Variants in TBC1D1 observed in about 807,000 individuals in gnomAD.
The protein encoded by TBC1D1 is TBC1 (tre-2/USP6, BUB2, cdc16) domain family, member 1.
Under a neutral mutation model 125.6 loss-of-function variants are expected in TBC1D1, and 89 were observed. The observed-to-expected ratio is 0.71, with a 90% CI of 0.60 to 0.85. The LOEUF is 0.85. Ranked by LOEUF, TBC1D1 falls within the 40% of genes least tolerant of loss-of-function variation. The pLI is 0.00. For synonymous variants in TBC1D1, 565 were observed against 564.1 expected (o/e 1.00, Z -0.02); for missense variants, 1,377 against 1,469.2 (o/e 0.94, Z 1.03).
intron 2 of TBC1D1, chr4:37,952,209 A>T: frequency 3.2e-6 from 2 of 622,226 alleles, no homozygotes; most frequent in African/African-American, 3.7e-5. Flanking sequence ...CGCGCTTGGA[A>T]GTTTTGTTGT....
intron 2 of TBC1D1, among the ~76,000 whole-genome samples, chr4:37,970,411 C>G (rs116537536): frequency 0.022 from 3,305 of 152,334 alleles, 67 homozygotes; most frequent in Non-Finnish European, 0.032. Context: ...GTCCTATCTC[C>G]TCCTATGCAA....
chr4:38,027,672 C>A, intron 6 of TBC1D1, 116 bp from the exon 7 acceptor site: 1 of 544,096 alleles, frequency 1.8e-6, no homozygotes, highest in Non-Finnish European at 3.3e-6. Context: ...TTTCCTAAAA[C>A]CTTGGAAGTC....
intron 3 of TBC1D1, among the ~76,000 whole-genome samples, chr4:38,015,684 C>T (rs1298308179): frequency 6.6e-6 from 1 of 152,172 alleles, no homozygotes; most frequent in Non-Finnish European, 1.5e-5. Context: ...GAGCTAGTTT[C>T]TTCCTTGGCC....
chr4:37,933,446 AC>A (rs1159917709), intron 2 of TBC1D1, among the ~76,000 whole-genome samples: 6 of 151,282 alleles, frequency 4.0e-5, no homozygotes, highest in African/African-American at 1.5e-4. Flanking sequence ...ACACACACAC[AC>A]ACACACACAC....
At chr4:38,082,468 G>T (rs1018803908) in intron 12 of TBC1D1, among the ~76,000 whole-genome samples, 1 of 152,154 alleles carries the variant, frequency 6.6e-6, no homozygotes, top group Non-Finnish European at 1.5e-5. Flanking sequence ...TGGCTGAGGC[G>T]GAATATTTGT....
At chr4:38,110,045 C>T (rs752714729) in intron 15 of TBC1D1, 1 of 189,502 alleles carries the variant, frequency 5.3e-6, no homozygotes, top group Non-Finnish European at 9.8e-6. Context: ...TGTTAGTCAA[C>T]TGTGCAGAGC....
chr4:37,994,905 TG>T (rs1177410202), intron 2 of TBC1D1, among the ~76,000 whole-genome samples: 1 of 152,084 alleles, frequency 6.6e-6, no homozygotes, highest in Non-Finnish European at 1.5e-5. Flanking sequence ...TTTGGCAAGC[TG>T]GGACTAACTC....
chr4:38,112,260 C>A (rs1018524676), intron 15 of TBC1D1, among the ~76,000 whole-genome samples: 7 of 152,156 alleles, frequency 4.6e-5, no homozygotes, highest in Non-Finnish European at 8.8e-5. Context: ...CTTTTCTTTG[C>A]CTCTGGAAGG....
intron 1 of TBC1D1, among the ~76,000 whole-genome samples, chr4:37,901,036 C>A (rs1481479094): frequency 1.3e-5 from 2 of 149,354 alleles, no homozygotes; most frequent in African/African-American, 2.5e-5. Flanking sequence ...CGTGCCACTG[C>A]ACTCCAGCCC....
At chr4:38,108,449 A>G (rs1761701046) in intron 15 of TBC1D1, among the ~76,000 whole-genome samples, 1 of 152,228 alleles carries the variant, frequency 6.6e-6, no homozygotes, top group Non-Finnish European at 1.5e-5. Context: ...ATCAATTGCT[A>G]TAGTTTTATT....
chr4:38,111,962 G>T, intron 15 of TBC1D1: 1 of 985,448 alleles, frequency 1.0e-6, no homozygotes, highest in Non-Finnish European at 1.2e-6. Context: ...AGTGGGACAG[G>T]AAGTTGCATT....
chr4:37,995,171 C>T lies in TBC1D1; in HGVS notation c.418-19338C>T, dbSNP rs1328012834. Among the ~76,000 whole-genome samples the T allele has an allele frequency of 2.0e-5, 3 of 152,122 alleles. No individual in the cohort carries two copies. Among genetic ancestry groups the T allele is most frequent in the Non-Finnish European group, 2.9e-5 (2 of 68,026 alleles). On this transcript the variant is annotated intron_variant, in intron 2 of 19. Transcript: ENST00000261439. This position sits in a 1 kb window ranked among gnomAD's most constrained non-coding sequence, Gnocchi z 4.3. ...CAGCCCTCGGGAAACTGACCTGGAG[C>T]GATGGGTGCTAAAAGGAGATGAGAT...
Position 37,934,594 on chromosome 4 carries a change from A to G in TBC1D1, c.417+32082A>G, listed in dbSNP as rs1158405117. On this transcript the variant is annotated intron_variant, in intron 2 of 19. Transcript: ENST00000261439. ...CAGAAGAAAAGATAGAAGAGTGGGC[A>G]GAAAAAGGAAAGAAGGGTTTGCTTT... Among the ~76,000 whole-genome samples the G allele has an allele frequency of 3.9e-5, 6 of 152,180 alleles. No individual in the cohort carries two copies. In the East Asian group the frequency reaches 1.2e-3, roughly 29 times the overall value.
intron 2 of TBC1D1, among the ~76,000 whole-genome samples, chr4:37,905,190 G>A (rs571388416): frequency 6.6e-6 from 1 of 152,294 alleles, no homozygotes; most frequent in East Asian, 1.9e-4. Flanking sequence ...ATGTTCCATA[G>A]AATATGAGGA....
intron 12 of TBC1D1, among the ~76,000 whole-genome samples, chr4:38,060,852 C>T (rs1274192142): frequency 6.6e-6 from 1 of 152,166 alleles, no homozygotes; most frequent in Non-Finnish European, 1.5e-5. Flanking sequence ...AACAAGCTCC[C>T]CAGTGAGGCT....
Position 37,977,466 on chromosome 4 carries a change from A to AGCCGGCGGGCGAAGAGCC in TBC1D1, c.418-37038_418-37021dup. ...CGGGCCGGCGGCGGGAGTGAGCGGG[A>AGCCGGCGGGCGAAGAGCC]GCCGGCGGGCGAAGAGCCGCCGCCC... is the stretch of plus-strand genomic sequence containing the variant. On this transcript the variant is annotated intron_variant, in intron 2 of 19. Coordinates refer to ENST00000261439, the MANE Select transcript of TBC1D1 (RefSeq NM_015173.4). The surrounding 1 kb of genome is among the most constrained non-coding windows in gnomAD (Gnocchi z 4.3). 1 of 985,520 alleles carries AGCCGGCGGGCGAAGAGCC rather than the reference A, an allele frequency of 1.0e-6. No homozygotes were observed. The highest frequency in any genetic ancestry group is 1.2e-6 in the Non-Finnish European group (1 of 826,870). 61.0% of individuals were successfully genotyped at this position (985,520 alleles called of 1,614,324 possible).
At chr4:37,911,162 T>C (rs1238671704) in intron 2 of TBC1D1, among the ~76,000 whole-genome samples, 1 of 140,230 alleles carries the variant, frequency 7.1e-6, no homozygotes, top group African/African-American at 2.6e-5. Flanking sequence ...TTTGGCTGCC[T>C]TTCATTTGTT....
At chr4:38,010,388 G>A (rs1741218583) in intron 2 of TBC1D1, among the ~76,000 whole-genome samples, 1 of 152,068 alleles carries the variant, frequency 6.6e-6, no homozygotes, top group South Asian at 2.1e-4. Context: ...CACCTGAAAT[G>A]TTGGGGTATC....
At chr4:37,969,537 G>T (rs1301893302) in intron 2 of TBC1D1, among the ~76,000 whole-genome samples, 1 of 152,134 alleles carries the variant, frequency 6.6e-6, no homozygotes, top group Non-Finnish European at 1.5e-5. Flanking sequence ...GTGGAGATGG[G>T]GTTTCACCAC....
Sources: gnomAD v4.1 joint callset for allele counts (sites outside exome capture counted in the v4.1 genomes callset) on GRCh38, gnomAD v4.1.1 for gene constraint, Gnocchi (gnomAD v3.1) non-coding constraint, MANE v1.5 for transcripts, NCBI Gene and HGNC (gene_info 2026-07-23, HGNC 2026-07-21) for gene names.